Variants in ELOVL7 observed in about 807,000 individuals in gnomAD.
The protein encoded by ELOVL7 is ELOVL fatty acid elongase 7.
Under a neutral mutation model 35.7 loss-of-function variants are expected in ELOVL7, and 27 were observed. The observed-to-expected ratio is 0.76, with a 90% CI of 0.56 to 1.04. The LOEUF is 1.04. Among genes scored for constraint, ELOVL7 ranks in the 50% least tolerant of loss-of-function variants. The pLI, the probability that ELOVL7 is intolerant of heterozygous loss-of-function variation, is 0.00. For missense variants in ELOVL7, 327 were observed against 340.8 expected (o/e 0.96, Z 0.32); for synonymous variants, 113 against 114.6 (o/e 0.99, Z 0.09).
rs750860207 is a variant in ELOVL7 at position 60,766,585 on chromosome 5, G to A, written c.382C>T (p.Leu128=). ...GGCCATATACTCACCGTATCTAATA[G>A]CTCAATAAATTTGGAGAAGTAATAA... ...WLYYFSKFIE[L]LDTIFFVLRK... is the part of the protein sequence containing the mutation. The change falls in exon 6 of 9, where the codon CTA becomes TTA. Residue 128 remains leucine, a synonymous_variant. Transcript: ENST00000508821. 1.2e-6 allele frequency: 2 copies of A among 1,612,364 alleles called. No homozygotes were observed. The highest frequency in any genetic ancestry group is 8.5e-7 in the Non-Finnish European group (1 of 1,179,040).
intron 1 of ELOVL7, among the ~76,000 whole-genome samples, chr5:60,830,134 G>C (rs1746395861): frequency 6.6e-6 from 1 of 152,098 alleles, no homozygotes; most frequent in Admixed American, 6.5e-5. Context: ...ATCAGAAACT[G>C]TCAGGTCCTT....
intron 8 of ELOVL7, among the ~76,000 whole-genome samples, chr5:60,757,073 T>C (rs1231638228): frequency 6.6e-6 from 1 of 152,098 alleles, no homozygotes; most frequent in African/African-American, 2.4e-5. Flanking sequence ...GTGCTTTTTA[T>C]TGACTGGAGG....
intron 1 of ELOVL7, among the ~76,000 whole-genome samples, chr5:60,805,475 G>A (rs962567578): frequency 2.0e-5 from 3 of 152,182 alleles, no homozygotes; most frequent in Non-Finnish European, 4.4e-5. Context: ...AGTTAGTTCT[G>A]TTGACCATGA....
At chr5:60,810,520 A>G (rs976683209) in intron 1 of ELOVL7, among the ~76,000 whole-genome samples, 2 of 152,216 alleles carry the variant, frequency 1.3e-5, no homozygotes, top group Non-Finnish European at 2.9e-5. Flanking sequence ...TTACCTATAC[A>G]TGATTATTCT....
At chr5:60,801,403 T>C (rs1377709768) in intron 1 of ELOVL7, among the ~76,000 whole-genome samples, 1 of 152,104 alleles carries the variant, frequency 6.6e-6, no homozygotes, top group Non-Finnish European at 1.5e-5. Flanking sequence ...GTCTTACAAC[T>C]AGAAAACCCT....
intron 8 of ELOVL7, 124 bp downstream of exon 8, chr5:60,757,385 G>A: frequency 1.1e-6 from 1 of 889,218 alleles, no homozygotes. Context: ...TATCATGTAG[G>A]GGCCAGACGC....
intron 1 of ELOVL7, among the ~76,000 whole-genome samples, chr5:60,804,882 T>G (rs976771759): frequency 1.3e-5 from 2 of 152,188 alleles, no homozygotes; most frequent in Non-Finnish European, 2.9e-5. Context: ...TGCAAGAAAG[T>G]GCTAAGCAAG....
intron 1 of ELOVL7, among the ~76,000 whole-genome samples, chr5:60,802,117 T>TATATATATATATACAC (rs1744677197): frequency 8.3e-5 from 1 of 12,100 alleles, no homozygotes; most frequent in African/African-American, 2.0e-4. Flanking sequence ...TATATATATA[T>TATATATATATATACAC]ACACACACAC....
At chr5:60,843,821 G>C (rs769688211) in intron 1 of ELOVL7, among the ~76,000 whole-genome samples, 45 of 151,770 alleles carry the variant, frequency 3.0e-4, no homozygotes, top group Admixed American at 4.6e-4. Context: ...CGCGCCCACC[G>C]GGCCCGACCT....
intron 1 of ELOVL7, among the ~76,000 whole-genome samples, chr5:60,817,854 A>G (rs769320359): frequency 2.2e-4 from 33 of 146,834 alleles, no homozygotes; most frequent in Middle Eastern, 3.6e-3. Flanking sequence ...GTGTGTATAT[A>G]TATATATATA....
chr5:60,798,244 G>A (rs1390380702), intron 2 of ELOVL7, among the ~76,000 whole-genome samples: 1 of 152,164 alleles, frequency 6.6e-6, no homozygotes, highest in Non-Finnish European at 1.5e-5. Flanking sequence ...AGATTTTCTG[G>A]GTTTACGGAA....
At chr5:60,836,449 T>C (rs564591592) in intron 1 of ELOVL7, among the ~76,000 whole-genome samples, 2 of 152,188 alleles carry the variant, frequency 1.3e-5, no homozygotes, top group South Asian at 4.1e-4. Context: ...GCTAACTGAA[T>C]GATAAGCAGC....
intron 3 of ELOVL7, chr5:60,784,065 G>C: frequency 2.0e-6 from 2 of 987,900 alleles, no homozygotes; most frequent in Non-Finnish European, 3.1e-6. Context: ...CCCAGGGAGA[G>C]AGCATAGGGA....
intron 2 of ELOVL7, among the ~76,000 whole-genome samples, chr5:60,795,113 A>G (rs929036400): frequency 6.6e-6 from 1 of 152,194 alleles, no homozygotes. Context: ...TGGAGAATAA[A>G]AAGGCAAAGG....
chr5:60,800,030 C>CAAAAAA (rs58041305), intron 1 of ELOVL7, among the ~76,000 whole-genome samples: 1 of 86,184 alleles, frequency 1.2e-5, no homozygotes, highest in Non-Finnish European at 2.2e-5. Flanking sequence ...AACTCCATCT[C>CAAAAAA]AAAAAAAAAA....
At chr5:60,784,950 T>C (rs1432317899) in intron 3 of ELOVL7, among the ~76,000 whole-genome samples, 3 of 152,238 alleles carry the variant, frequency 2.0e-5, no homozygotes, top group Non-Finnish European at 4.4e-5. Context: ...CACTCTTTTA[T>C]GTTGGGATAC....
chr5:60,839,021 C>CAA (rs34113793), intron 1 of ELOVL7, among the ~76,000 whole-genome samples: 96 of 146,324 alleles, frequency 6.6e-4, no homozygotes, highest in African/African-American at 2.4e-3. Flanking sequence ...AAAACAGTGT[C>CAA]AAAAAAAAAT....
At chr5:60,761,683 A>G (rs1741919218) in intron 7 of ELOVL7, among the ~76,000 whole-genome samples, 1 of 152,210 alleles carries the variant, frequency 6.6e-6, no homozygotes, top group Admixed American at 6.6e-5. Flanking sequence ...TAAAAGGTAT[A>G]TAAGCTGATC....
intron 6 of ELOVL7, among the ~76,000 whole-genome samples, chr5:60,764,738 T>C (rs1275663534): frequency 6.6e-6 from 1 of 152,072 alleles, no homozygotes; most frequent in Non-Finnish European, 1.5e-5. Flanking sequence ...ATCTTACTGA[T>C]ATGGATAAGG....
Sources: gnomAD v4.1 joint callset for allele counts (sites outside exome capture counted in the v4.1 genomes callset) on GRCh38, gnomAD v4.1.1 for gene constraint, MANE v1.5 for transcripts, NCBI Gene and HGNC (gene_info 2026-07-23, HGNC 2026-07-21) for gene names.